Variants in LUZP2 observed in about 807,000 individuals in gnomAD.
LUZP2 encodes the protein leucine zipper protein 2.
Under a neutral mutation model 51.6 loss-of-function variants are expected in LUZP2, and 52 were observed. The observed-to-expected ratio is 1.01, with a 90% CI of 0.81 to 1.27. The LOEUF is 1.27. LUZP2 is among the 50% of genes most tolerant of loss of function. LUZP2 has a pLI of 0.00. For synonymous variants in LUZP2, 154 were observed against 137.3 expected (o/e 1.12, Z -0.85); for missense variants, 436 against 395.4 (o/e 1.10, Z -0.87).
chr11:24,859,499 T>C (rs896051939), intron 5 of LUZP2, among the ~76,000 whole-genome samples: 32 of 152,168 alleles, frequency 2.1e-4, no homozygotes, highest in African/African-American at 7.5e-4. Context: ...GGTTTCTTAG[T>C]TACATCACTA....
intron 1 of LUZP2, among the ~76,000 whole-genome samples, chr11:24,635,170 C>T (rs1196830583): frequency 6.7e-6 from 1 of 150,298 alleles, no homozygotes; most frequent in Non-Finnish European, 1.5e-5. Context: ...CACTTGTACC[C>T]TTTAAATAAA....
At chr11:24,742,230 A>G (rs1052593983) in intron 4 of LUZP2, among the ~76,000 whole-genome samples, 2 of 151,182 alleles carry the variant, frequency 1.3e-5, no homozygotes, top group Non-Finnish European at 2.9e-5. Context: ...AGTGGGATTG[A>G]TGGATCTAAT....
intron 5 of LUZP2, chr11:24,786,786 A>C (rs2134086354): frequency 6.7e-6 from 1 of 149,570 alleles, no homozygotes; most frequent in South Asian, 2.1e-4. Context: ...TAGAAAGACT[A>C]TCTTTATGCA....
At chr11:24,610,958 T>G (rs1854097510) in intron 1 of LUZP2, among the ~76,000 whole-genome samples, 1 of 152,210 alleles carries the variant, frequency 6.6e-6, no homozygotes, top group Admixed American at 6.5e-5. Flanking sequence ...TTTTAGGGAT[T>G]TAAGACTCCT....
chr11:24,763,013 T>TAAA, intron 4 of LUZP2: 2 of 753,202 alleles, frequency 2.7e-6, no homozygotes, highest in Non-Finnish European at 3.2e-6. Flanking sequence ...TTTCTCAATT[T>TAAA]AAAAAAAAAA....
At chr11:24,969,132 C>G (rs774847160) in intron 7 of LUZP2, among the ~76,000 whole-genome samples, 1 of 152,094 alleles carries the variant, frequency 6.6e-6, no homozygotes, top group Non-Finnish European at 1.5e-5. Context: ...CAATAGTTAT[C>G]TTTTCTGCTT....
chr11:25,044,255 G>A (rs200235325), intron 9 of LUZP2, among the ~76,000 whole-genome samples: 16,854 of 39,204 alleles, frequency 0.43, 1,686 homozygotes, highest in Non-Finnish European at 0.5. Flanking sequence ...GTGTGTGTGT[G>A]TGTATATATA....
At chr11:25,075,323 C>CT (rs1647031987) in intron 10 of LUZP2, among the ~76,000 whole-genome samples, 1 of 152,262 alleles carries the variant, frequency 6.6e-6, no homozygotes, top group South Asian at 2.1e-4. Context: ...TTTCTGTATA[C>CT]TGTAGGCTTA....
intron 7 of LUZP2, among the ~76,000 whole-genome samples, chr11:24,938,286 C>A (rs1854646685): frequency 6.6e-6 from 1 of 151,996 alleles, no homozygotes; most frequent in Non-Finnish European, 1.5e-5. Flanking sequence ...TAAATGCAAA[C>A]ACCAACAGCT....
chr11:25,012,420 G>A lies in LUZP2; in HGVS notation c.765+29127G>A, dbSNP rs145207416. On this transcript the variant is annotated intron_variant, in intron 9 of 11. Coordinates refer to ENST00000336930, the MANE Select transcript of LUZP2 (RefSeq NM_001009909.4). ...TAGACATTGTAAATATTGGACTTCC[G>A]TCTACATCTATTCTTTAGAACTAGA... Among the ~76,000 whole-genome samples the A allele has an allele frequency of 7.2e-5, 11 of 152,180 alleles. 1 individual carries two copies. In the South Asian group the frequency reaches 8.3e-4, roughly 11 times the overall value.
intron 10 of LUZP2, among the ~76,000 whole-genome samples, chr11:25,076,387 G>T (rs1016957766): frequency 6.6e-6 from 1 of 152,226 alleles, no homozygotes; most frequent in South Asian, 2.1e-4. Context: ...TGCCTTGCAC[G>T]TGGAAAAGAT....
At chr11:24,817,868 G>A (rs551651539) in intron 5 of LUZP2, among the ~76,000 whole-genome samples, 1 of 151,956 alleles carries the variant, frequency 6.6e-6, no homozygotes, top group Non-Finnish European at 1.5e-5. Context: ...GTCATACACT[G>A]TGTAATATTT....
chr11:24,906,039 A>G lies in LUZP2; in HGVS notation c.445A>G (p.Ile149Val). 6.2e-7 allele frequency: 1 copy of G among 1,613,098 alleles called. No homozygotes were observed. ...CTTGTCAGGAAACAAGCTCTGTGGCATTCACGCAGAAGAGGTGAGTAAATT... is the reference window on the plus strand; with the variant it reads ...CTTGTCAGGAAACAAGCTCTGTGGCGTTCACGCAGAAGAGGTGAGTAAATT... ...KLLSGNKLCG[I>V]HAEESKKIQA... The change falls in exon 6 of 12, where the codon ATT becomes GTT. Residue 149 changes from isoleucine (I) to valine (V), a missense_variant. Physicochemically the swap from Ile to Val is conservative, Grantham distance 29. Transcript: ENST00000336930.
intron 10 of LUZP2, among the ~76,000 whole-genome samples, chr11:25,067,749 A>C (rs1286990107): frequency 6.6e-6 from 1 of 151,784 alleles, no homozygotes; most frequent in Non-Finnish European, 1.5e-5. Context: ...AATCATTGTG[A>C]AAGACAGTGT....
intron 9 of LUZP2, among the ~76,000 whole-genome samples, chr11:25,030,125 G>T (rs961511539): frequency 2.0e-5 from 3 of 152,052 alleles, no homozygotes. Flanking sequence ...ATATTTGTGT[G>T]CATTTTCTCC....
chr11:24,506,105 G>A (rs916938014), intron 1 of LUZP2, among the ~76,000 whole-genome samples: 2 of 151,994 alleles, frequency 1.3e-5, no homozygotes, highest in African/African-American at 4.8e-5. Context: ...TCCTACAATG[G>A]GATAAGTTTG....
At chr11:24,693,864 A>C (rs1857156705) in intron 1 of LUZP2, among the ~76,000 whole-genome samples, 1 of 152,184 alleles carries the variant, frequency 6.6e-6, no homozygotes, top group African/African-American at 2.4e-5. Context: ...ATTGTACAAA[A>C]TCATGCCTAC....
intron 5 of LUZP2, among the ~76,000 whole-genome samples, chr11:24,901,780 A>G (rs1212196379): frequency 2.6e-5 from 4 of 152,108 alleles, no homozygotes; most frequent in African/African-American, 7.2e-5. Flanking sequence ...TTTTCTATCC[A>G]TTGACCTCCA....
chr11:24,573,187 G>A (rs2133804513), intron 1 of LUZP2, among the ~76,000 whole-genome samples: 2 of 152,028 alleles, frequency 1.3e-5, no homozygotes, highest in South Asian at 4.1e-4. Flanking sequence ...GAATAAAAGA[G>A]CATTCAAATC....
Sources: allele counts gnomAD v4.1 joint callset (sites outside exome capture counted in the v4.1 genomes callset), GRCh38; gene constraint gnomAD v4.1.1; transcripts MANE v1.5; gene names NCBI Gene and HGNC (gene_info 2026-07-23, HGNC 2026-07-21).